ULK4: variants seen among roughly 807,000 people sequenced by gnomAD.
ULK4 encodes the protein inactive serine/threonine-protein kinase ULK4.
Under a neutral mutation model 160.6 loss-of-function variants are expected in ULK4, and 133 were observed. That is an observed-to-expected ratio of 0.83 (90% CI 0.72 to 0.96). ULK4 has a LOEUF of 0.96. Ranked by LOEUF, ULK4 falls within the 40% of genes least tolerant of loss-of-function variation. ULK4 has a pLI of 0.00. For synonymous variants in ULK4, 534 were observed against 539.8 expected (o/e 0.99, Z 0.15); for missense variants, 1,580 against 1,499.5 (o/e 1.05, Z -0.89).
At chr3:41,925,194 T>A (rs1421089377) in intron 5 of ULK4, among the ~76,000 whole-genome samples, 1 of 152,168 alleles carries the variant, frequency 6.6e-6, no homozygotes, top group Non-Finnish European at 1.5e-5. Flanking sequence ...CATTACCAAC[T>A]GAGGTACCAG....
chr3:41,264,112 G>A (rs2078989265), intron 35 of ULK4, among the ~76,000 whole-genome samples: 1 of 152,198 alleles, frequency 6.6e-6, no homozygotes, highest in African/African-American at 2.4e-5. Flanking sequence ...AACCAGCCAT[G>A]AGAACATGTG....
intron 6 of ULK4, among the ~76,000 whole-genome samples, chr3:41,919,468 G>A (rs984506645): frequency 6.6e-6 from 1 of 152,116 alleles, no homozygotes; most frequent in African/African-American, 2.4e-5. Flanking sequence ...CAGGCATGGT[G>A]GTGGGCACCT....
intron 32 of ULK4, among the ~76,000 whole-genome samples, chr3:41,549,140 G>A (rs756108711): frequency 3.3e-5 from 5 of 151,968 alleles, no homozygotes; most frequent in African/African-American, 1.2e-4. Context: ...GAAATGAAAA[G>A]GCAAAGAAAC....
At chr3:41,919,584 A>G (rs895965715) in intron 6 of ULK4, 133 bp downstream of exon 6, 4 of 691,840 alleles carry the variant, frequency 5.8e-6, no homozygotes, top group African/African-American at 5.3e-5. Flanking sequence ...ACTGGGTGAC[A>G]GTACGAGACT....
chr3:41,491,973 C>T (rs1157566803), intron 32 of ULK4, among the ~76,000 whole-genome samples: 1 of 146,168 alleles, frequency 6.8e-6, no homozygotes, highest in East Asian at 2.1e-4. Flanking sequence ...TGAATGAGAA[C>T]ATGTGGTGTT....
chr3:41,894,970 T>A (rs1288463486), intron 16 of ULK4, among the ~76,000 whole-genome samples: 2 of 152,204 alleles, frequency 1.3e-5, no homozygotes, highest in Non-Finnish European at 2.9e-5. Flanking sequence ...TTATAAATCA[T>A]AATCCCATTA....
At chr3:41,756,778 T>C (rs1216247447) in intron 21 of ULK4, among the ~76,000 whole-genome samples, 1 of 152,196 alleles carries the variant, frequency 6.6e-6, no homozygotes, top group African/African-American at 2.4e-5. Flanking sequence ...ACAGACTGAT[T>C]ACATATGCAT....
intron 32 of ULK4, among the ~76,000 whole-genome samples, chr3:41,538,166 C>T (rs2086574078): frequency 6.6e-6 from 1 of 152,122 alleles, no homozygotes; most frequent in Middle Eastern, 3.4e-3. Context: ...CTTTCTTTTG[C>T]TTTAATCAGT....
chr3:41,308,753 T>C (rs1397853444), intron 35 of ULK4, among the ~76,000 whole-genome samples: 1 of 152,196 alleles, frequency 6.6e-6, no homozygotes, highest in Non-Finnish European at 1.5e-5. Context: ...GAAATGCTCA[T>C]TGGAGCATTT....
At chr3:41,472,599 C>G (rs2084022148) in intron 32 of ULK4, among the ~76,000 whole-genome samples, 1 of 149,842 alleles carries the variant, frequency 6.7e-6, no homozygotes, top group South Asian at 2.1e-4. Context: ...AAAATCTGAA[C>G]AGATCAACAA....
At chr3:41,531,449 GGGAGGGGAGGGGAGGGGAGGGGAGA>G (rs1341818489) in intron 32 of ULK4, among the ~76,000 whole-genome samples, 14 of 35,840 alleles carry the variant, frequency 3.9e-4, no homozygotes, top group African/African-American at 1.7e-3. Context: ...TCAAAAAGAG[GGGAGGGGAGGGGAGGGGAGGGGAGA>G]GGAGGGGAGA....
chr3:41,725,697 T>C (rs2037624661), intron 22 of ULK4, among the ~76,000 whole-genome samples: 1 of 152,218 alleles, frequency 6.6e-6, no homozygotes, highest in Non-Finnish European at 1.5e-5. Context: ...CTCTTGTTGA[T>C]TTTATTGCTT....
chr3:41,765,314 A>C (rs1032256866), intron 21 of ULK4, among the ~76,000 whole-genome samples: 2 of 152,174 alleles, frequency 1.3e-5, no homozygotes, highest in African/African-American at 4.8e-5. Context: ...AAGGACAGAA[A>C]ACCAAACACC....
chr3:41,434,709 T>C (rs547414078), intron 34 of ULK4, among the ~76,000 whole-genome samples: 41 of 152,336 alleles, frequency 2.7e-4, no homozygotes, highest in African/African-American at 9.9e-4. Context: ...ATAATCAGGA[T>C]GACCAATTCA....
chr3:41,780,238 G>T (rs916877329), intron 21 of ULK4, among the ~76,000 whole-genome samples: 1 of 152,024 alleles, frequency 6.6e-6, no homozygotes, highest in Non-Finnish European at 1.5e-5. Flanking sequence ...AGCCCAGGAG[G>T]CAGCGGTTTC....
chr3:41,434,726 A>G (rs994698114), intron 34 of ULK4, among the ~76,000 whole-genome samples: 6 of 152,154 alleles, frequency 3.9e-5, no homozygotes, highest in Admixed American at 3.9e-4. Flanking sequence ...TTCATTTTTC[A>G]TTTACTTTTG....
chr3:41,504,970 AT>A (rs368624268), intron 32 of ULK4, among the ~76,000 whole-genome samples: 18 of 152,170 alleles, frequency 1.2e-4, no homozygotes, highest in African/African-American at 4.1e-4. Flanking sequence ...GCATAATATT[AT>A]CCCCATCTTA....
At chr3:41,729,664 C>T (rs533222777) in intron 22 of ULK4, among the ~76,000 whole-genome samples, 14 of 152,338 alleles carry the variant, frequency 9.2e-5, no homozygotes, top group Admixed American at 7.2e-4. Flanking sequence ...CTTTCAACTC[C>T]GGAGGTGAGG....
intron 17 of ULK4, among the ~76,000 whole-genome samples, chr3:41,839,381 A>T (rs2041847546): frequency 6.6e-6 from 1 of 150,930 alleles, no homozygotes; most frequent in Non-Finnish European, 1.5e-5. Context: ...TACAAAAAAT[A>T]CTAAATATGT....
Sources: gnomAD v4.1 joint callset for allele counts (sites outside exome capture counted in the v4.1 genomes callset) on GRCh38, gnomAD v4.1.1 for gene constraint, MANE v1.5 for transcripts, NCBI Gene and HGNC (gene_info 2026-07-23, HGNC 2026-07-21) for gene names.